Variants in FBN2 observed in about 807,000 individuals in gnomAD.
FBN2 encodes fibrillin-2.
In FBN2, 105 loss-of-function variants were observed where a neutral mutation model predicts 355.6. The ratio of observed to expected loss-of-function variants is 0.30; its 90% confidence interval spans 0.25 to 0.35. FBN2 has a LOEUF of 0.35. Among genes scored for constraint, FBN2 ranks in the 10% least tolerant of loss-of-function variants. The probability of loss-of-function intolerance (pLI) is 1.00; values close to 1 mark genes in which losing one functional copy is unlikely to be tolerated. For missense variants in FBN2, 3,280 were observed against 3,758.7 expected, an observed-to-expected ratio of 0.87 and a Z score of 3.33; for synonymous variants, 1,350 against 1,301.2, an observed-to-expected ratio of 1.04 and a Z score of -0.81.
intron 55 of FBN2, among the ~76,000 whole-genome samples, chr5:128,284,860 G>A (rs760210623): frequency 6.6e-6 from 1 of 152,284 alleles, no homozygotes; most frequent in Middle Eastern, 3.4e-3. Context: ...ACACTGCAGT[G>A]TAGAAATGGG....
chr5:128,319,111 T>C (rs1750295508), intron 34 of FBN2, 110 bp from the exon 35 acceptor site: 6 of 856,934 alleles, frequency 7.0e-6, no homozygotes, highest in Non-Finnish European at 1.1e-5. Context: ...TTTTATTCAG[T>C]AAGGCTTTTT....
At chr5:128,496,544 A>G (rs1430569732) in intron 5 of FBN2, among the ~76,000 whole-genome samples, 1 of 152,170 alleles carries the variant, frequency 6.6e-6, no homozygotes, top group East Asian at 1.9e-4. Context: ...CTCATAGATA[A>G]TATCATATTT....
At chr5:128,379,816 G>A (rs1482573237) in intron 11 of FBN2, among the ~76,000 whole-genome samples, 1 of 152,078 alleles carries the variant, frequency 6.6e-6, no homozygotes, top group Non-Finnish European at 1.5e-5. Context: ...TTGGTAGAGG[G>A]CATAATGATT....
intron 14 of FBN2, among the ~76,000 whole-genome samples, chr5:128,374,952 A>G (rs1752044713): frequency 6.6e-6 from 1 of 152,218 alleles, no homozygotes; most frequent in South Asian, 2.1e-4. Flanking sequence ...TTACCTACTG[A>G]GGAAAAAAAA....
At chr5:128,392,660 GTACGT>G (rs1404801943) in intron 10 of FBN2, among the ~76,000 whole-genome samples, 4 of 152,200 alleles carry the variant, frequency 2.6e-5, no homozygotes, top group Non-Finnish European at 5.9e-5. Flanking sequence ...GGAAAGATAT[GTACGT>G]TACAATATTT....
intron 5 of FBN2, among the ~76,000 whole-genome samples, chr5:128,467,946 T>C (rs893911573): frequency 6.6e-6 from 1 of 152,212 alleles, no homozygotes; most frequent in Non-Finnish European, 1.5e-5. Context: ...TGTTTTGTTG[T>C]TTCAAATAAC....
chr5:128,333,407 T>C (rs573624361), intron 31 of FBN2, among the ~76,000 whole-genome samples: 43 of 152,286 alleles, frequency 2.8e-4, no homozygotes, highest in African/African-American at 8.9e-4. Flanking sequence ...TTTCCAATAA[T>C]AGATGGTGCT....
intron 62 of FBN2, among the ~76,000 whole-genome samples, chr5:128,269,703 A>G (rs951392086): frequency 2.6e-5 from 4 of 152,216 alleles, no homozygotes; most frequent in African/African-American, 9.6e-5. Flanking sequence ...GGAGAACTAC[A>G]AACCACTGCC....
chr5:128,433,438 A>G (rs1358568184), intron 7 of FBN2, among the ~76,000 whole-genome samples: 2 of 152,198 alleles, frequency 1.3e-5, no homozygotes, highest in South Asian at 2.1e-4. Flanking sequence ...TTTTTACTAT[A>G]ATCCTTAAAA....
Position 128,318,953 on chromosome 5 carries a change from T to G in FBN2, c.4520A>C (p.Asn1507Thr). 2.5e-6 allele frequency: 4 copies of G among 1,612,486 alleles called. No individual in the cohort carries two copies. The highest frequency in any genetic ancestry group is 3.4e-6 in the Non-Finnish European group (4 of 1,178,622). ...GCAATGAAACATTCCAGGCAGGTTA[T>G]TACATGTTCCAAAGACACAAATGTT... ...FQNICVFGTC[N>T]NLPGMFHCIC... Residue 1507 changes from asparagine to threonine, a missense_variant, in exon 35 of 65, where the codon AAT (asparagine) becomes ACT (threonine). Asn to Thr is a moderately conservative substitution (Grantham distance 65, BLOSUM62 0). Transcript: ENST00000262464.
chr5:128,365,581 C>T (rs1172462673), intron 17 of FBN2, among the ~76,000 whole-genome samples: 1 of 151,694 alleles, frequency 6.6e-6, no homozygotes, highest in Non-Finnish European at 1.5e-5. Context: ...TATAAAGATT[C>T]AACATTACTG....
At chr5:128,440,551 C>T (rs1395959327) in intron 7 of FBN2, among the ~76,000 whole-genome samples, 2 of 152,104 alleles carry the variant, frequency 1.3e-5, no homozygotes, top group South Asian at 2.1e-4. Context: ...GAAATCTGCC[C>T]CCATGATCTA....
chr5:128,377,937 T>C, intron 12 of FBN2, 60 bp from the exon 13 acceptor site: 1 of 1,474,246 alleles, frequency 6.8e-7, no homozygotes, highest in African/African-American at 1.4e-5. Context: ...ATAAACACAG[T>C]AAGATAAGAA....
intron 62 of FBN2, among the ~76,000 whole-genome samples, chr5:128,269,303 A>AATAAAC (rs886241694): frequency 1.2e-4 from 18 of 148,628 alleles, no homozygotes; most frequent in Non-Finnish European, 2.2e-4. Flanking sequence ...TAATAATAAT[A>AATAAAC]ATAAACTAAT....
intron 17 of FBN2, among the ~76,000 whole-genome samples, 171 bp from the exon 18 acceptor site, chr5:128,364,896 A>C (rs549790295): frequency 1.2e-3 from 182 of 152,322 alleles, no homozygotes; most frequent in Non-Finnish European, 2.1e-3. Flanking sequence ...AAGAAAATAA[A>C]ACTGAAAGAT....
At chr5:128,372,640 T>C (rs1046507165) in intron 15 of FBN2, among the ~76,000 whole-genome samples, 11 of 152,106 alleles carry the variant, frequency 7.2e-5, no homozygotes, top group Non-Finnish European at 1.6e-4. Context: ...TATAGGCACA[T>C]GCCACCATGC....
chr5:128,525,754 T>C (rs1225782117), intron 4 of FBN2, among the ~76,000 whole-genome samples: 1 of 152,198 alleles, frequency 6.6e-6, no homozygotes, highest in Non-Finnish European at 1.5e-5. Context: ...TCTAGGCCAC[T>C]GCTTATTTTT....
intron 5 of FBN2, among the ~76,000 whole-genome samples, chr5:128,518,209 TA>T (rs1756338383): frequency 6.6e-6 from 1 of 152,116 alleles, no homozygotes; most frequent in African/African-American, 2.4e-5. Flanking sequence ...CAGCTCAACC[TA>T]AAAGATCACA....
intron 48 of FBN2, among the ~76,000 whole-genome samples, chr5:128,295,479 T>TCTTC (rs1749478564): frequency 6.7e-6 from 1 of 150,106 alleles, no homozygotes; most frequent in Admixed American, 6.6e-5. Flanking sequence ...CATGGAATGT[T>TCTTC]CTTCCACTTG....
Sources: gnomAD v4.1 joint callset for allele counts (sites outside exome capture counted in the v4.1 genomes callset) on GRCh38, gnomAD v4.1.1 for gene constraint, MANE v1.5 for transcripts, NCBI Gene and HGNC (gene_info 2026-07-23, HGNC 2026-07-21) for gene names.